Variants in C18orf32 observed in about 807,000 individuals in gnomAD.
C18orf32 encodes chromosome 18 open reading frame 32.
Under a neutral mutation model 7.4 loss-of-function variants are expected in C18orf32, and 5 were observed. That is an observed-to-expected ratio of 0.68 (90% confidence interval 0.35 to 1.42). The LOEUF is 1.42. Ranked by LOEUF, C18orf32 falls within the 40% of genes most tolerant of loss-of-function variation. C18orf32 has a pLI of 0.04. For synonymous variants in C18orf32, 30 were observed against 29.3 expected, an observed-to-expected ratio of 1.02 and a Z score of -0.08; for missense variants, 88 against 92.4, an observed-to-expected ratio of 0.95 and a Z score of 0.19.
At chr18:49,485,338 T>G (rs1317897882) in intron 1 of C18orf32, among the ~76,000 whole-genome samples, 1 of 152,036 alleles carries the variant, frequency 6.6e-6, no homozygotes, top group Non-Finnish European at 1.5e-5. Flanking sequence ...TGGATCATCT[T>G]AGGTAAGGAG....
intron 1 of C18orf32, among the ~76,000 whole-genome samples, chr18:49,485,420 G>A (rs1420668542): frequency 2.0e-5 from 3 of 152,062 alleles, no homozygotes; most frequent in Non-Finnish European, 2.9e-5. Context: ...TGGGCGTGGT[G>A]GTGGGCACCT....
Position 49,481,403 on chromosome 18 carries a change from G to A in C18orf32, c.*942C>T, listed in dbSNP as rs925164356. 2.0e-5 allele frequency: 3 copies of A among 152,200 alleles called. No individual in the cohort carries two copies. The highest frequency in any genetic ancestry group is 7.2e-5 in the African/African-American group (3 of 41,432). 9.4% of individuals were successfully genotyped at this position (152,200 alleles called of 1,614,324 possible). On this transcript the variant is annotated 3_prime_UTR_variant, in exon 3 of 3. Coordinates refer to ENST00000318240, the MANE Select transcript of C18orf32 (RefSeq NM_001035005.4). ...CCTACACTGAATTTTCAAAGCCCAA[G>A]ATAAAAATCACATAGCGGCCCAGGT...
intron 1 of C18orf32, among the ~76,000 whole-genome samples, chr18:49,485,610 G>A (rs1453284540): frequency 2.6e-5 from 4 of 150,986 alleles, no homozygotes; most frequent in Non-Finnish European, 4.4e-5. Flanking sequence ...GGGCAATAGT[G>A]ATTTTTTTTT....
rs1447031096 is a variant in C18orf32, at chr18:49,482,115, G to A, written c.*230C>T. On this transcript the variant is annotated 3_prime_UTR_variant, in exon 3 of 3. Coordinates refer to ENST00000318240, the MANE Select transcript of C18orf32 (RefSeq NM_001035005.4). ...TCATATTATTCAAACAGCAATAACA[G>A]AAATGAAAGCTACATTAACGAAAAA... The A allele has an allele frequency of 4.3e-6, 2 of 469,796 alleles. No homozygotes were observed. Among genetic ancestry groups the A allele is most frequent in the African/African-American group, 4.1e-5 (2 of 49,240 alleles). The allele number at this position is 469,796 out of a possible 1,614,324, so 29.1% of individuals were successfully genotyped here. A position where few individuals can be genotyped will look rare whatever the true frequency, so the allele number is the denominator to read the frequency against.
chr18:49,483,667 C>T lies in C18orf32; in HGVS notation c.82G>A (p.Val28Ile), dbSNP rs972646924. The T allele has an allele frequency of 1.2e-6, 2 of 1,613,398 alleles. No individual in the cohort carries two copies. Among genetic ancestry groups the T allele is most frequent in the African/African-American group, 2.7e-5 (2 of 74,776 alleles). The change falls in exon 2 of 3, where the codon GTT becomes ATT. Residue 28 changes from valine to isoleucine, a missense_variant. By Grantham distance (29) the Val-to-Ile change is conservative. Coordinates refer to ENST00000318240, the MANE Select transcript of C18orf32 (RefSeq NM_001035005.4). ...KFLEPYIYPL[V>I]SPFVSRIWPK... ...CATATACGACTAACGAAGGGGGAAA[C>T]CAGAGGGTATATATATGGCTCCAGG...
rs1307741244 is a variant in C18orf32, at chr18:49,477,854, C to CTA, written c.*4489_*4490dup. On this transcript the variant is annotated 3_prime_UTR_variant, in exon 3 of 3. Coordinates refer to ENST00000318240, the MANE Select transcript of C18orf32 (RefSeq NM_001035005.4). Reference sequence around the variant, plus strand: ...ATACACATATATATATATACACACACTATATATATACACACTATATATATA... The same window carrying CTA: ...ATACACATATATATATATACACACACTATATATATATACACACTATATATATA... The CTA allele has an allele frequency of 2.2e-5, 3 of 134,138 alleles. No individual in the cohort carries two copies. Among genetic ancestry groups the CTA allele is most frequent in the South Asian group, 4.5e-4 (2 of 4,404 alleles). 8.3% of individuals were successfully genotyped at this position (134,138 alleles called of 1,614,324 possible).
intron 1 of C18orf32, 101 bp from the exon 2 acceptor site, chr18:49,483,872 C>CA: frequency 7.2e-7 from 1 of 1,386,326 alleles, no homozygotes; most frequent in South Asian, 1.4e-5. Context: ...TGTGGTGGCT[C>CA]ACGCCTGTAA....
At position 49,482,033 on chromosome 18, in the gene C18orf32, G is replaced by T. The variant is rs2083667563; in HGVS notation, c.*312C>A. The T allele has an allele frequency of 4.0e-6, 1 of 252,808 alleles. No homozygotes were observed. The highest frequency in any genetic ancestry group is 5.4e-5 in the South Asian group (1 of 18,616). The allele number at this position is 252,808 out of a possible 1,614,324, so 15.7% of individuals were successfully genotyped here. A position where few individuals can be genotyped will look rare whatever the true frequency, so the allele number is the denominator to read the frequency against. ...AATTCATATGAATTAGAGAACCAAA[G>T]ATTTTAAAGTGCTGATTTAGTAACA... On this transcript the variant is annotated 3_prime_UTR_variant, in exon 3 of 3. Coordinates refer to ENST00000318240, the MANE Select transcript of C18orf32 (RefSeq NM_001035005.4).
chr18:49,482,062 T>A lies in C18orf32; in HGVS notation c.*283A>T. ...TTAAAGTGCTGATTTAGTAACATAATGTCTACTGGCACAAACCTTCTATTT... is the reference window on the plus strand; with the variant it reads ...TTAAAGTGCTGATTTAGTAACATAAAGTCTACTGGCACAAACCTTCTATTT... On this transcript the variant is annotated 3_prime_UTR_variant, in exon 3 of 3. Transcript: ENST00000318240. 3.1e-6 allele frequency: 1 copy of A among 323,844 alleles called. No homozygotes were observed. The highest frequency in any genetic ancestry group is 5.7e-6 in the Non-Finnish European group (1 of 176,436). 20.1% of individuals were successfully genotyped at this position (323,844 alleles called of 1,614,324 possible).
rs1307260974 is a variant in C18orf32, at chr18:49,487,196, G to T, written c.-177C>A. ...AAGCCCAACCCAGGCCGCTAGCCCG[G>T]GCACACTCACCCGCGACCGCGGAAA... On this transcript the variant is annotated 5_prime_UTR_variant, in exon 1 of 3. Transcript: ENST00000318240. The T allele has an allele frequency of 6.5e-6, 1 of 152,732 alleles. No individual in the cohort carries two copies. Among genetic ancestry groups the T allele is most frequent in the Non-Finnish European group, 1.5e-5 (1 of 68,256 alleles). The allele number at this position is 152,732 out of a possible 1,614,324, so 9.5% of individuals were successfully genotyped here.
intron 1 of C18orf32, among the ~76,000 whole-genome samples, 151 bp from the exon 2 acceptor site, chr18:49,483,922 G>A (rs1464232330): frequency 2.0e-5 from 3 of 151,838 alleles, no homozygotes; most frequent in Non-Finnish European, 4.4e-5. Flanking sequence ...CTTGAGCCCA[G>A]GAGTTTGAAA....
chr18:49,482,635 G>A (rs2083676230), intron 2 of C18orf32, among the ~76,000 whole-genome samples: 1 of 151,348 alleles, frequency 6.6e-6, no homozygotes, highest in Middle Eastern at 3.2e-3. Context: ...GCTGAGGCAG[G>A]AGAATCGTTT....
chr18:49,485,564 A>T (rs76088378), intron 1 of C18orf32, among the ~76,000 whole-genome samples: 8,050 of 151,950 alleles, frequency 0.053, 309 homozygotes, highest in South Asian at 0.099. Context: ...CAGAAAAAAA[A>T]AAAATAAAAA....
In C18orf32 at chr18:49,481,794, T is replaced by A. The variant is rs1418067432; in HGVS notation, c.*551A>T. On this transcript the variant is annotated 3_prime_UTR_variant, in exon 3 of 3. Transcript: ENST00000318240. ...TTTCCCCCTTTTCCCTATCTTTTTT[T>A]AATCTTCCTTAGAGCAATAAATAGT... 1.3e-5 allele frequency: 2 copies of A among 152,278 alleles called. No individual in the cohort carries two copies. The highest frequency in any genetic ancestry group is 2.4e-5 in the African/African-American group (1 of 41,478). The allele number at this position is 152,278 out of a possible 1,614,324, so 9.4% of individuals were successfully genotyped here.
rs1225421494 is a variant in C18orf32, at chr18:49,478,072, G to C, written c.*4273C>G. ...TTTTTTTAAGACAGGGTCTTGCTCT[G>C]TTGTCCAAGCTAGAGTGCAGTGGCT... On this transcript the variant is annotated 3_prime_UTR_variant, in exon 3 of 3. Coordinates refer to ENST00000318240, the MANE Select transcript of C18orf32 (RefSeq NM_001035005.4). The C allele has an allele frequency of 2.0e-5, 3 of 149,264 alleles. No homozygotes were observed. The highest frequency in any genetic ancestry group is 4.4e-5 in the Non-Finnish European group (3 of 68,000). The allele number at this position is 149,264 out of a possible 1,614,324, so 9.2% of individuals were successfully genotyped here. A position where few individuals can be genotyped will look rare whatever the true frequency, so the allele number is the denominator to read the frequency against.
rs2083642173 is a variant in C18orf32, at chr18:49,479,344, G to A, written c.*3001C>T. On this transcript the variant is annotated 3_prime_UTR_variant, in exon 3 of 3. Coordinates refer to ENST00000318240, the MANE Select transcript of C18orf32 (RefSeq NM_001035005.4). ...AACAGAAAGTCCCGAGGACTGCAGT[G>A]TGCACCAGGTCTAGGCAACAACTAG... 6.6e-6 allele frequency: 1 copy of A among 152,264 alleles called. No individual in the cohort carries two copies. Among genetic ancestry groups the A allele is most frequent in the African/African-American group, 2.4e-5 (1 of 41,468 alleles). The allele number at this position is 152,264 out of a possible 1,614,324, so 9.4% of individuals were successfully genotyped here.
intron 1 of C18orf32, among the ~76,000 whole-genome samples, chr18:49,485,036 C>G (rs1371385361): frequency 6.6e-6 from 1 of 151,990 alleles, no homozygotes. Flanking sequence ...GAGCCAAGAT[C>G]ATGCCACTGC....
At position 49,477,937 on chromosome 18, in the gene C18orf32, A is replaced by C. The variant is rs9958113; in HGVS notation, c.*4408T>G. ...CTATATATATATACACACTATATATATATATACACTATATATATATGTAGC... is the reference window on the plus strand; with the variant it reads ...CTATATATATATACACACTATATATCTATATACACTATATATATATGTAGC... On this transcript the variant is annotated 3_prime_UTR_variant, in exon 3 of 3. Coordinates refer to ENST00000318240, the MANE Select transcript of C18orf32 (RefSeq NM_001035005.4). 1.1e-3 allele frequency: 142 copies of C among 133,338 alleles called. No homozygotes were observed. Among genetic ancestry groups the C allele is most frequent in the Non-Finnish European group, 1.8e-3 (117 of 65,420 alleles). The allele number at this position is 133,338 out of a possible 1,614,324, so 8.3% of individuals were successfully genotyped here. A position where few individuals can be genotyped will look rare whatever the true frequency, so the allele number is the denominator to read the frequency against.
In C18orf32 at chr18:49,484,077, C is replaced by T. The variant is rs144500388; in HGVS notation, c.-23-306G>A. 1.7e-3 allele frequency among the ~76,000 whole-genome samples: 251 copies of T among 148,134 alleles called. 5 individuals are homozygous for T. The East Asian group carries it at 0.037, about 22-fold the overall frequency. ...CCAGGAGGTTGAGGCTGCAGTGAGC[C>T]GTGTTCATGCCACTGCTCTCCAGCC... On this transcript the variant is annotated intron_variant, in intron 1 of 2. Transcript: ENST00000318240.
Sources: gnomAD v4.1 joint callset for allele counts (sites outside exome capture counted in the v4.1 genomes callset) on GRCh38, gnomAD v4.1.1 for gene constraint, MANE v1.5 for transcripts, NCBI Gene and HGNC (gene_info 2026-07-23, HGNC 2026-07-21) for gene names.